The following ANTXR2 variants were observed in gnomAD, a reference collection of about 807,000 sequenced individuals.
ANTXR2 encodes anthrax toxin receptor 2.
Under a neutral mutation model 73.7 loss-of-function variants are expected in ANTXR2, and 44 were observed. That is an observed-to-expected ratio of 0.60 (90% CI 0.47 to 0.77). The LOEUF is 0.77. Ranked by LOEUF, ANTXR2 falls within the 30% of genes least tolerant of loss-of-function variation. The probability of loss-of-function intolerance (pLI) is 0.00; values close to 1 mark genes in which losing one functional copy is unlikely to be tolerated. For missense variants in ANTXR2, 604 were observed against 592.5 expected, an observed-to-expected ratio of 1.02 and a Z score of -0.20; for synonymous variants, 217 against 205.9, an observed-to-expected ratio of 1.05 and a Z score of -0.46.
At chr4:80,054,441 G>T in intron 6 of ANTXR2, 89 bp from the exon 7 acceptor site, 1 of 935,086 alleles carries the variant, frequency 1.1e-6, no homozygotes, top group Non-Finnish European at 1.6e-6. Context: ...ATGTTCATCT[G>T]AAAAATTACC....
chr4:79,973,680 T>C (rs1381056711), intron 16 of ANTXR2, among the ~76,000 whole-genome samples: 1 of 152,088 alleles, frequency 6.6e-6, no homozygotes, highest in East Asian at 1.9e-4. Flanking sequence ...CCACCTGTCT[T>C]GGCCTCCCAA....
intron 12 of ANTXR2, among the ~76,000 whole-genome samples, chr4:79,988,299 T>G (rs1187180140): frequency 7.4e-6 from 1 of 134,498 alleles, no homozygotes; most frequent in Non-Finnish European, 1.6e-5. Context: ...AGTAAAGGAA[T>G]AGAGAACGAT....
intron 16 of ANTXR2, among the ~76,000 whole-genome samples, chr4:79,930,060 G>T (rs1727996686): frequency 6.6e-6 from 1 of 152,116 alleles, no homozygotes; most frequent in South Asian, 2.1e-4. Flanking sequence ...ACCAAGATTT[G>T]CACACAGAAG....
At chr4:79,932,663 G>A (rs1039349064) in intron 16 of ANTXR2, among the ~76,000 whole-genome samples, 11 of 151,684 alleles carry the variant, frequency 7.3e-5, no homozygotes, top group African/African-American at 2.2e-4. Context: ...ATGATGGCGG[G>A]CGCCTGTAAC....
intron 16 of ANTXR2, among the ~76,000 whole-genome samples, chr4:79,937,750 C>T (rs572686384): frequency 2.0e-4 from 31 of 152,134 alleles, no homozygotes; most frequent in African/African-American, 6.7e-4. Flanking sequence ...GGAACAGCTC[C>T]GGTCTACAGC....
intron 16 of ANTXR2, among the ~76,000 whole-genome samples, chr4:79,914,358 C>A (rs549638491): frequency 1.3e-5 from 2 of 152,066 alleles, no homozygotes; most frequent in Non-Finnish European, 2.9e-5. Flanking sequence ...ATCTTGACTT[C>A]GGCTTATTAT....
At chr4:80,004,599 T>C (rs2110050652) in intron 12 of ANTXR2, among the ~76,000 whole-genome samples, 1 of 152,216 alleles carries the variant, frequency 6.6e-6, no homozygotes, top group African/African-American at 2.4e-5. Context: ...ATGGTTACAC[T>C]GCCTTCTTTC....
At chr4:79,915,867 T>C (rs1357221528) in intron 16 of ANTXR2, among the ~76,000 whole-genome samples, 3 of 148,756 alleles carry the variant, frequency 2.0e-5, no homozygotes, top group African/African-American at 7.5e-5. Flanking sequence ...TCTCTCTATA[T>C]ATATATATAT....
chr4:80,051,793 A>G (rs1360407051), intron 7 of ANTXR2, among the ~76,000 whole-genome samples: 1 of 151,550 alleles, frequency 6.6e-6, no homozygotes, highest in Non-Finnish European at 1.5e-5. Flanking sequence ...TCTTTTTTTT[A>G]ACTACCATGA....
chr4:80,044,104 C>T (rs1175285430), intron 7 of ANTXR2, among the ~76,000 whole-genome samples: 1 of 151,832 alleles, frequency 6.6e-6, no homozygotes, highest in Non-Finnish European at 1.5e-5. Flanking sequence ...ATCTTGCTTG[C>T]CTATATGGTT....
chr4:79,926,976 T>TATACACGTGTGCATATGTGTATATATAC (rs10674130), intron 16 of ANTXR2, among the ~76,000 whole-genome samples: 3 of 90,594 alleles, frequency 3.3e-5, no homozygotes, highest in Admixed American at 2.3e-4. Context: ...TGTGTATATA[T>TATACACGTGTGCATATGTGTATATATAC]ACGTGTGCAT....
chr4:80,046,884 A>G (rs975263879), intron 7 of ANTXR2, among the ~76,000 whole-genome samples: 3 of 151,768 alleles, frequency 2.0e-5, no homozygotes, highest in African/African-American at 7.2e-5. Context: ...GAGAAAATGA[A>G]GTATAATTGA....
At chr4:79,998,150 T>C (rs559179633) in intron 12 of ANTXR2, among the ~76,000 whole-genome samples, 1 of 152,082 alleles carries the variant, frequency 6.6e-6, no homozygotes, top group African/African-American at 2.4e-5. Flanking sequence ...AATGATTCTA[T>C]AGAGTTCCAG....
chr4:80,064,051 C>T (rs1342008577), intron 3 of ANTXR2, among the ~76,000 whole-genome samples: 8 of 151,882 alleles, frequency 5.3e-5, no homozygotes, highest in Non-Finnish European at 1.2e-4. Context: ...AACAATTGTT[C>T]CACAAGTAAA....
intron 16 of ANTXR2, among the ~76,000 whole-genome samples, chr4:79,934,442 G>A (rs771614041): frequency 7.3e-5 from 11 of 151,672 alleles, no homozygotes; most frequent in African/African-American, 1.7e-4. Flanking sequence ...CATGGGAATC[G>A]TTTGAACCTG....
intron 16 of ANTXR2, among the ~76,000 whole-genome samples, chr4:79,948,427 C>G (rs755540250): frequency 6.6e-6 from 1 of 152,122 alleles, no homozygotes; most frequent in African/African-American, 2.4e-5. Context: ...TCAGGCATGA[C>G]TTATTTTGTT....
At chr4:80,006,596 C>T (rs1731312599) in intron 12 of ANTXR2, among the ~76,000 whole-genome samples, 3 of 151,986 alleles carry the variant, frequency 2.0e-5, no homozygotes, top group African/African-American at 7.3e-5. Context: ...GATACTCCAC[C>T]ATTAAAGGGC....
chr4:80,034,270 A>C (rs191505075), intron 8 of ANTXR2, among the ~76,000 whole-genome samples: 246 of 152,282 alleles, frequency 1.6e-3, no homozygotes, highest in African/African-American at 5.6e-3. Context: ...TAACTGATCA[A>C]ATATCTTGAC....
intron 16 of ANTXR2, among the ~76,000 whole-genome samples, chr4:79,934,884 G>GT (rs1728198362): frequency 6.6e-6 from 1 of 151,400 alleles, no homozygotes; most frequent in African/African-American, 2.4e-5. Context: ...CTTTCATGAA[G>GT]GATACACACT....
Sources: gnomAD v4.1 joint callset for allele counts (sites outside exome capture counted in the v4.1 genomes callset) on GRCh38, gnomAD v4.1.1 for gene constraint, MANE v1.5 for transcripts, NCBI Gene and HGNC (gene_info 2026-07-23, HGNC 2026-07-21) for gene names.